The following SLC35D1 variants were observed in gnomAD, a reference collection of about 807,000 sequenced individuals.
SLC35D1 encodes the protein nucleotide sugar transporter SLC35D1.
Under a neutral mutation model 46.7 loss-of-function variants are expected in SLC35D1, and 31 were observed. The ratio of observed to expected loss-of-function variants is 0.66; its 90% CI spans 0.50 to 0.90. SLC35D1 has a LOEUF of 0.90. Among genes scored for constraint, SLC35D1 ranks in the 40% least tolerant of loss-of-function variants. The pLI is 0.00. For synonymous variants in SLC35D1, 195 were observed against 164.6 expected (o/e 1.18, Z -1.41); for missense variants, 397 against 426.2 (o/e 0.93, Z 0.60).
chr1:67,039,520 T>TGTGTGTGTGTGC (rs753428337), intron 8 of SLC35D1, among the ~76,000 whole-genome samples: 41 of 148,396 alleles, frequency 2.8e-4, no homozygotes, highest in African/African-American at 8.9e-4. Context: ...TGTGTGTGTG[T>TGTGTGTGTGTGC]GCGCGCGTGG....
chr1:67,012,884 T>G (rs934854779), intron 10 of SLC35D1, among the ~76,000 whole-genome samples: 12 of 151,986 alleles, frequency 7.9e-5, no homozygotes, highest in Admixed American at 6.6e-4. Context: ...GACTTTGACT[T>G]TTTGGGGTAC....
At chr1:67,017,593 C>T (rs555906244) in intron 10 of SLC35D1, among the ~76,000 whole-genome samples, 2 of 152,270 alleles carry the variant, frequency 1.3e-5, no homozygotes, top group African/African-American at 4.8e-5. Flanking sequence ...CACTTCAATG[C>T]TGATTTGAAC....
At chr1:66,984,546 T>C in the SLC35D1 span, 1 of 1,509,234 alleles carries the variant, frequency 6.6e-7, no homozygotes, top group Non-Finnish European at 8.9e-7. Flanking sequence ...CTAATTGTGG[T>C]TTCATTTATA....
chr1:66,979,930 A>C, the SLC35D1 span, among the ~76,000 whole-genome samples: 1 of 150,822 alleles, frequency 6.6e-6, no homozygotes, highest in East Asian at 1.9e-4. Context: ...ACACCCGGCT[A>C]ATTTTGTATT....
chr1:67,032,105 C>T, intron 8 of SLC35D1: 1 of 985,230 alleles, frequency 1.0e-6, no homozygotes, highest in Non-Finnish European at 1.2e-6. Flanking sequence ...TGACTGGTAG[C>T]TGTGATTACA....
At chr1:66,981,552 C>A in the SLC35D1 span, among the ~76,000 whole-genome samples, 1 of 152,120 alleles carries the variant, frequency 6.6e-6, no homozygotes, top group Non-Finnish European at 1.5e-5. Context: ...TCCTATGGGT[C>A]TCTAAAATTT....
intron 5 of SLC35D1, 98 bp from the exon 6 acceptor site, chr1:67,049,948 A>G: frequency 1.2e-6 from 1 of 860,956 alleles, no homozygotes; most frequent in East Asian, 2.6e-5. Flanking sequence ...CAAAAGCTAT[A>G]AACAATCGTA....
the SLC35D1 span, among the ~76,000 whole-genome samples, chr1:66,982,129 C>A: frequency 6.6e-6 from 1 of 152,208 alleles, no homozygotes; most frequent in Admixed American, 6.5e-5. Flanking sequence ...ATAAAGCCTA[C>A]TGTCAACAGT....
chr1:66,981,765 T>C, the SLC35D1 span: 1 of 1,573,088 alleles, frequency 6.4e-7, no homozygotes, highest in Non-Finnish European at 8.6e-7. Flanking sequence ...AAAAATTGTT[T>C]TATTAATTTT....
At chr1:67,006,028 C>T (rs1667441050) in intron 11 of SLC35D1, among the ~76,000 whole-genome samples, 1 of 152,182 alleles carries the variant, frequency 6.6e-6, no homozygotes, top group Non-Finnish European at 1.5e-5. Flanking sequence ...CCCCCCCTTT[C>T]TGTGGAAAAT....
chr1:67,052,152 C>A, intron 3 of SLC35D1, 73 bp from the exon 4 acceptor site: 2 of 1,110,258 alleles, frequency 1.8e-6, no homozygotes, highest in Non-Finnish European at 2.7e-6. Flanking sequence ...CAAACAGAAA[C>A]AATTTTGTTT....
At chr1:67,036,848 T>C (rs1255602345) in intron 8 of SLC35D1, among the ~76,000 whole-genome samples, 3 of 152,176 alleles carry the variant, frequency 2.0e-5, no homozygotes, top group Non-Finnish European at 4.4e-5. Flanking sequence ...TTCTGTGGTC[T>C]TCTCTTCCTT....
chr1:67,005,119 G>A (rs1024704892), intron 11 of SLC35D1, among the ~76,000 whole-genome samples: 7 of 152,118 alleles, frequency 4.6e-5, no homozygotes, highest in South Asian at 2.1e-4. Context: ...CCTCCTACCC[G>A]ATTCACTAAG....
chr1:67,021,724 G>GACACAGACACACAC (rs1553265841), intron 8 of SLC35D1, 122 bp from the exon 9 acceptor site: 1 of 420,910 alleles, frequency 2.4e-6, no homozygotes, highest in African/African-American at 3.2e-5. Context: ...CACAGACACA[G>GACACAGACACACAC]ACACACACAC....
chr1:66,976,575 C>G, the SLC35D1 span: 3 of 1,538,634 alleles, frequency 1.9e-6, no homozygotes, highest in African/African-American at 2.8e-5. Flanking sequence ...TTCTTAAAAG[C>G]AAGCATTTGT....
intron 8 of SLC35D1, among the ~76,000 whole-genome samples, chr1:67,031,116 AG>A (rs1668009042): frequency 6.6e-6 from 1 of 152,240 alleles, no homozygotes; most frequent in African/African-American, 2.4e-5. Flanking sequence ...TGATATCTGC[AG>A]GACATTAAAA....
At chr1:66,997,519 A>AAATATATATATAT (rs1553262615), downstream of SLC35D1, among the ~76,000 whole-genome samples, 4 of 74,030 alleles carry the variant, frequency 5.4e-5, no homozygotes, top group Non-Finnish European at 5.1e-5. Context: ...AAAAAAAAAA[A>AAATATATATATAT]ATATATATAT....
At chr1:67,048,667 A>T in intron 6 of SLC35D1, among the ~76,000 whole-genome samples, 1 of 152,216 alleles carries the variant, frequency 6.6e-6, no homozygotes, top group East Asian at 1.9e-4. Context: ...GATGGAAAAC[A>T]TATGTCTGGC....
chr1:67,038,047 A>G (rs1668159320), intron 8 of SLC35D1, among the ~76,000 whole-genome samples: 1 of 152,188 alleles, frequency 6.6e-6, no homozygotes, highest in Admixed American at 6.5e-5. Flanking sequence ...ATGGTTAGAA[A>G]CATAACAGTG....
Sources: allele counts gnomAD v4.1 joint callset (sites outside exome capture counted in the v4.1 genomes callset), GRCh38; gene constraint gnomAD v4.1.1; transcripts MANE v1.5; gene names NCBI Gene and HGNC (gene_info 2026-07-23, HGNC 2026-07-21).